NUCKS1: variants seen among roughly 807,000 people sequenced by gnomAD.
NUCKS1 encodes the protein nuclear ubiquitous casein and cyclin-dependent kinase substrate 1.
Under a neutral mutation model 33.0 loss-of-function variants are expected in NUCKS1, and 2 were observed. That is an observed-to-expected ratio of 0.06 (90% confidence interval 0.02 to 0.19). NUCKS1 has a LOEUF of 0.19. Ranked by LOEUF, NUCKS1 falls within the 10% of genes least tolerant of loss-of-function variation. NUCKS1 has a pLI of 1.00. For missense variants in NUCKS1, 201 were observed against 293.6 expected (o/e 0.68, Z 2.31); for synonymous variants, 106 against 102.8 (o/e 1.03, Z -0.19).
intron 4 of NUCKS1, among the ~76,000 whole-genome samples, chr1:205,720,902 T>C (rs1033080190): frequency 6.6e-6 from 1 of 152,140 alleles, no homozygotes; most frequent in Non-Finnish European, 1.5e-5. Context: ...ATGTGGTACA[T>C]ACACACCATG....
chr1:205,736,191 A>T (rs1425151981), intron 1 of NUCKS1, among the ~76,000 whole-genome samples: 1 of 151,992 alleles, frequency 6.6e-6, no homozygotes, highest in Non-Finnish European at 1.5e-5. Flanking sequence ...GCCTCAAGTG[A>T]TCCTCCCTTC....
At chr1:205,732,090 G>T (rs1653928988) in intron 1 of NUCKS1, among the ~76,000 whole-genome samples, 1 of 152,032 alleles carries the variant, frequency 6.6e-6, no homozygotes, top group Non-Finnish European at 1.5e-5. Context: ...GGAAAAAAAG[G>T]CTTGGGCTTA....
chr1:205,718,099 A>T lies in NUCKS1; in HGVS notation c.*181T>A, dbSNP rs1048304781. On this transcript the variant is annotated 3_prime_UTR_variant, in exon 7 of 7. Transcript: ENST00000367142. Reference sequence around the variant, plus strand: ...ATGGTTTGCTTTAAAAAAAAAAAAAAAAAAAGAGAGAGAGAGAGAAATGTT... The same window carrying T: ...ATGGTTTGCTTTAAAAAAAAAAAAATAAAAAGAGAGAGAGAGAGAAATGTT... 3.4e-5 allele frequency: 43 copies of T among 1,246,954 alleles called. No individual in the cohort carries two copies. The highest frequency in any genetic ancestry group is 4.2e-5 in the Non-Finnish European group (42 of 998,686). 77.2% of individuals were successfully genotyped at this position (1,246,954 alleles called of 1,614,324 possible). A position where few individuals can be genotyped will look rare whatever the true frequency, so the allele number is the denominator to read the frequency against.
At chr1:205,732,779 C>CA (rs59760552) in intron 1 of NUCKS1, among the ~76,000 whole-genome samples, 1,151 of 73,992 alleles carry the variant, frequency 0.016, 83 homozygotes, top group Middle Eastern at 0.11. Flanking sequence ...GACTCTGTCT[C>CA]AAAAAAAAAA....
At position 205,716,879 on chromosome 1, in the gene NUCKS1, T is replaced by G. The variant is rs373064510; in HGVS notation, c.*1401A>C. 4 of 152,320 alleles carry G rather than the reference T, an allele frequency of 2.6e-5. No homozygotes were observed. The highest frequency in any genetic ancestry group is 9.6e-5 in the African/African-American group (4 of 41,560). The allele number at this position is 152,320 out of a possible 1,614,324, so 9.4% of individuals were successfully genotyped here. ...TGCACACAGGCCTCCTAAAATGCCT[T>G]GTTTCTCTAGTCCCTCCTGCTTTAA... On this transcript the variant is annotated 3_prime_UTR_variant, in exon 7 of 7. Coordinates refer to ENST00000367142, the MANE Select transcript of NUCKS1 (RefSeq NM_022731.5).
chr1:205,740,378 G>A (rs1654137939), intron 1 of NUCKS1, among the ~76,000 whole-genome samples: 1 of 151,990 alleles, frequency 6.6e-6, no homozygotes, highest in Non-Finnish European at 1.5e-5. Flanking sequence ...CAGCACTCTG[G>A]GAGGCAGAGA....
At chr1:205,746,947 G>T (rs893704466) in intron 1 of NUCKS1, among the ~76,000 whole-genome samples, 2 of 152,164 alleles carry the variant, frequency 1.3e-5, no homozygotes, top group Non-Finnish European at 2.9e-5. Flanking sequence ...TCTGGAGAGT[G>T]TAACAGCTGA....
At position 205,715,938 on chromosome 1, in the gene NUCKS1, G is replaced by C. The variant is rs1182307193; in HGVS notation, c.*2342C>G. 1 of 152,190 alleles carries C rather than the reference G, an allele frequency of 6.6e-6. No homozygotes were observed. The highest frequency in any genetic ancestry group is 1.5e-5 in the Non-Finnish European group (1 of 68,042). 9.4% of individuals were successfully genotyped at this position (152,190 alleles called of 1,614,324 possible). On this transcript the variant is annotated 3_prime_UTR_variant, in exon 7 of 7. Coordinates refer to ENST00000367142, the MANE Select transcript of NUCKS1 (RefSeq NM_022731.5). ...GTCCTCCTATTTGCATGCATGATTTGAGGGGAAGACTAGAGTGTTTTAAAT... is the reference window on the plus strand; with the variant it reads ...GTCCTCCTATTTGCATGCATGATTTCAGGGGAAGACTAGAGTGTTTTAAAT...
chr1:205,727,074 C>T (rs554099882), intron 3 of NUCKS1, among the ~76,000 whole-genome samples: 10 of 152,250 alleles, frequency 6.6e-5, no homozygotes, highest in African/African-American at 2.2e-4. Context: ...AAGGATCCTC[C>T]TGCCTCGGAC....
intron 1 of NUCKS1, among the ~76,000 whole-genome samples, chr1:205,738,843 G>A (rs1270564301): frequency 1.3e-5 from 2 of 152,156 alleles, no homozygotes; most frequent in African/African-American, 4.8e-5. Flanking sequence ...GGGAGGCGGA[G>A]GTTGCAGTGC....
At chr1:205,737,604 A>C (rs994135833) in intron 1 of NUCKS1, among the ~76,000 whole-genome samples, 6 of 152,268 alleles carry the variant, frequency 3.9e-5, no homozygotes, top group Non-Finnish European at 1.5e-5. Context: ...TGAAGCTGTC[A>C]AAATCCTTGT....
At position 205,718,074 on chromosome 1, in the gene NUCKS1, A is replaced by G; in HGVS notation, c.*206T>C. ...GGTAACTTAAACACTTACACATACA[A>G]TGGTTTGCTTTAAAAAAAAAAAAAA... On this transcript the variant is annotated 3_prime_UTR_variant, in exon 7 of 7. Coordinates refer to ENST00000367142, the MANE Select transcript of NUCKS1 (RefSeq NM_022731.5). The G allele has an allele frequency of 8.0e-7, 1 of 1,253,018 alleles. No homozygotes were observed. The highest frequency in any genetic ancestry group is 9.9e-7 in the Non-Finnish European group (1 of 1,005,240). 77.6% of individuals were successfully genotyped at this position (1,253,018 alleles called of 1,614,324 possible). A position where few individuals can be genotyped will look rare whatever the true frequency, so the allele number is the denominator to read the frequency against.
intron 6 of NUCKS1, 111 bp from the exon 7 acceptor site, chr1:205,718,590 A>T: frequency 6.7e-7 from 1 of 1,488,274 alleles, no homozygotes; most frequent in Non-Finnish European, 9.0e-7. Flanking sequence ...GACAATATGC[A>T]ACTTACTAAA....
chr1:205,723,482 A>C (rs189232024), intron 4 of NUCKS1, among the ~76,000 whole-genome samples: 1 of 152,272 alleles, frequency 6.6e-6, no homozygotes, highest in East Asian at 1.9e-4. Flanking sequence ...GTCTCCACTA[A>C]AAAGAGTGGG....
chr1:205,739,997 G>GTTTTTTTTTTTTTTTTTT lies in NUCKS1; in HGVS notation c.17+9942_17+9959dup, dbSNP rs60866378. The stretch of plus-strand genomic sequence containing the variant: ...TACATCATCCTGCTATTTACTTTAG[G>GTTTTTTTTTTTTTTTTTT]TTTTTTTTTTTTTTTTTTTTTGAGA... On this transcript the variant is annotated intron_variant, in intron 1 of 6. Transcript: ENST00000367142. 2.4e-5 allele frequency among the ~76,000 whole-genome samples: 2 copies of GTTTTTTTTTTTTTTTTTT among 81,772 alleles called. 1 individual carries two copies. Among genetic ancestry groups the GTTTTTTTTTTTTTTTTTT allele is most frequent in the Non-Finnish European group, 4.4e-5 (2 of 45,744 alleles). The allele number at this position is 81,772 out of a possible 152,430, so 53.6% of individuals were successfully genotyped here.
chr1:205,748,171 A>G (rs1239039682), intron 1 of NUCKS1, among the ~76,000 whole-genome samples: 1 of 152,192 alleles, frequency 6.6e-6, no homozygotes, highest in Non-Finnish European at 1.5e-5. Context: ...ATGGTAACAT[A>G]AAAAATCCAA....
At chr1:205,749,335 G>C (rs1571594930) in intron 1 of NUCKS1, among the ~76,000 whole-genome samples, 1 of 152,214 alleles carries the variant, frequency 6.6e-6, no homozygotes, top group Non-Finnish European at 1.5e-5. Flanking sequence ...TTTTGCCCGG[G>C]GGGAAAAAAA....
chr1:205,744,630 G>GTTTTTTTTTTTTTT lies in NUCKS1; in HGVS notation c.17+5313_17+5326dup, dbSNP rs10672842. 3.1e-4 allele frequency among the ~76,000 whole-genome samples: 27 copies of GTTTTTTTTTTTTTT among 87,764 alleles called. 1 individual carries two copies. Among genetic ancestry groups the GTTTTTTTTTTTTTT allele is most frequent in the East Asian group, 8.2e-4 (2 of 2,442 alleles). 57.6% of individuals were successfully genotyped at this position (87,764 alleles called of 152,430 possible). Reference sequence around the variant, plus strand: ...TGTGAAAATTCCTAAGTTCACTAGAGTTTTTTTTTTTTTTTTTTTGAGACG... The same window carrying GTTTTTTTTTTTTTT: ...TGTGAAAATTCCTAAGTTCACTAGAGTTTTTTTTTTTTTTTTTTTTTTTTTTTTTTTTTGAGACG... On this transcript the variant is annotated intron_variant, in intron 1 of 6. Coordinates refer to ENST00000367142, the MANE Select transcript of NUCKS1 (RefSeq NM_022731.5).
At chr1:205,748,118 CT>C (rs1654376635) in intron 1 of NUCKS1, among the ~76,000 whole-genome samples, 1 of 152,022 alleles carries the variant, frequency 6.6e-6, no homozygotes, top group Non-Finnish European at 1.5e-5. Context: ...GTCCCAATGC[CT>C]CCAAAAAACT....
Sources: allele counts gnomAD v4.1 joint callset (sites outside exome capture counted in the v4.1 genomes callset), GRCh38; gene constraint gnomAD v4.1.1; transcripts MANE v1.5; gene names NCBI Gene and HGNC (gene_info 2026-07-23, HGNC 2026-07-21).